SYK: variants seen among roughly 807,000 people sequenced by gnomAD.
The protein encoded by SYK is spleen associated tyrosine kinase.
A neutral mutation model predicts 77.8 loss-of-function variants in SYK; 16 were observed. The ratio of observed to expected loss-of-function variants is 0.21; its 90% CI spans 0.14 to 0.31. The LOEUF (loss-of-function observed/expected upper bound fraction) is 0.31, where lower values mean the gene tolerates loss of function less well. SYK is among the 10% of genes least tolerant of loss of function. The pLI, the probability that SYK is intolerant of heterozygous loss-of-function variation, is 1.00. For synonymous variants in SYK, 312 were observed against 308.7 expected, an observed-to-expected ratio of 1.01 and a Z score of -0.11; for missense variants, 529 against 814.4, an observed-to-expected ratio of 0.65 and a Z score of 4.26.
intron 1 of SYK, among the ~76,000 whole-genome samples, chr9:90,832,824 T>C (rs1283555604): frequency 6.6e-6 from 1 of 152,226 alleles, no homozygotes; most frequent in African/African-American, 2.4e-5. Flanking sequence ...TAATTACTTA[T>C]TATTGCTCAT....
intron 1 of SYK, among the ~76,000 whole-genome samples, chr9:90,819,778 A>G (rs892701129): frequency 6.6e-6 from 1 of 152,118 alleles, no homozygotes; most frequent in Admixed American, 6.5e-5. Flanking sequence ...AAAACCAATC[A>G]TGCCTTCCCA....
intron 11 of SYK, among the ~76,000 whole-genome samples, chr9:90,881,215 GTAAAC>G (rs1414797737): frequency 2.0e-5 from 3 of 151,812 alleles, no homozygotes; most frequent in Non-Finnish European, 4.4e-5. Flanking sequence ...CCATTAAAAA[GTAAAC>G]TAAACTAAAA....
chr9:90,891,643 G>C (rs1252169209), intron 13 of SYK, among the ~76,000 whole-genome samples: 1 of 152,134 alleles, frequency 6.6e-6, no homozygotes, highest in East Asian at 1.9e-4. Context: ...AGAGGACTCT[G>C]TTACCCTCAC....
chr9:90,896,610 C>T lies in SYK; in HGVS notation c.*1010C>T. On this transcript the variant is annotated 3_prime_UTR_variant, in exon 14 of 14. Coordinates refer to ENST00000375754, the MANE Select transcript of SYK (RefSeq NM_003177.7). ...TTCAGAACAAGCCAAAGACCCTGAGCCTCACCACAAACAGGCCTTTTGGAG... is the reference window on the plus strand; with the variant it reads ...TTCAGAACAAGCCAAAGACCCTGAGTCTCACCACAAACAGGCCTTTTGGAG... 1 of 232,914 alleles carries T rather than the reference C, an allele frequency of 4.3e-6. No individual in the cohort carries two copies. The highest frequency in any genetic ancestry group is 8.5e-6 in the Non-Finnish European group (1 of 117,856). The allele number at this position is 232,914 out of a possible 1,614,324, so 14.4% of individuals were successfully genotyped here.
chr9:90,890,343 T>C (rs537773598), intron 13 of SYK, among the ~76,000 whole-genome samples: 6 of 152,304 alleles, frequency 3.9e-5, no homozygotes, highest in African/African-American at 1.2e-4. Context: ...CAGTGGGCAG[T>C]TATTTCCAGA....
intron 7 of SYK, 31 bp downstream of exon 7, chr9:90,867,230 C>T: frequency 6.2e-7 from 1 of 1,612,424 alleles, no homozygotes; most frequent in Non-Finnish European, 8.5e-7. Flanking sequence ...TGCTGTCCAA[C>T]TAAGTGGTAG....
chr9:90,837,003 C>T (rs1191366739), intron 1 of SYK, among the ~76,000 whole-genome samples: 2 of 152,150 alleles, frequency 1.3e-5, no homozygotes, highest in African/African-American at 4.8e-5. Flanking sequence ...TCTTCTCTAG[C>T]TTACCTCACT....
chr9:90,805,121 C>G (rs1488317991), intron 1 of SYK, among the ~76,000 whole-genome samples: 8 of 152,122 alleles, frequency 5.3e-5, no homozygotes, highest in Admixed American at 5.2e-4. Flanking sequence ...AAATGGCTCC[C>G]TTGATTCTTT....
At chr9:90,879,973 T>G (rs1348443123) in intron 11 of SYK, among the ~76,000 whole-genome samples, 1 of 152,258 alleles carries the variant, frequency 6.6e-6, no homozygotes, top group Non-Finnish European at 1.5e-5. Flanking sequence ...ACCTAGGGTC[T>G]ATGTTAACCA....
At chr9:90,859,857 A>G (rs1176047231) in intron 3 of SYK, among the ~76,000 whole-genome samples, 1 of 152,252 alleles carries the variant, frequency 6.6e-6, no homozygotes, top group Non-Finnish European at 1.5e-5. Flanking sequence ...TGATGGCATC[A>G]TCTCTCAGGG....
chr9:90,802,505 T>A (rs1826769534), intron 1 of SYK, among the ~76,000 whole-genome samples: 6 of 152,202 alleles, frequency 3.9e-5, no homozygotes, highest in Admixed American at 3.9e-4. Flanking sequence ...ACTTAGCCAA[T>A]GAACTTGGAG....
intron 3 of SYK, among the ~76,000 whole-genome samples, chr9:90,854,368 G>A (rs548950713): frequency 6.6e-6 from 1 of 152,294 alleles, no homozygotes; most frequent in Non-Finnish European, 1.5e-5. Context: ...GAGTCAGAGA[G>A]GAAGCCCAGG....
chr9:90,828,238 C>CCCCT (rs1554706477), intron 1 of SYK, among the ~76,000 whole-genome samples: 1 of 91,204 alleles, frequency 1.1e-5, no homozygotes, highest in African/African-American at 3.8e-5. Context: ...CACCCCCGCC[C>CCCCT]CCCCCCCCGC....
chr9:90,866,669 T>C (rs1827508777), intron 6 of SYK, among the ~76,000 whole-genome samples: 1 of 152,222 alleles, frequency 6.6e-6, no homozygotes. Context: ...AACTTTTTAA[T>C]TGACTGGTAA....
intron 1 of SYK, among the ~76,000 whole-genome samples, chr9:90,841,391 TTG>T (rs1826319579): frequency 1.6e-5 from 1 of 64,472 alleles, no homozygotes; most frequent in African/African-American, 5.4e-5. Context: ...TGTGTGTAGT[TTG>T]TGTATGACGT....
rs145605312 is a variant in SYK, at chr9:90,835,646, A to G, written c.-41-8212A>G. Among the ~76,000 whole-genome samples the G allele has an allele frequency of 8.5e-5, 13 of 152,280 alleles. No individual in the cohort carries two copies. In the East Asian group the frequency reaches 2.5e-3, roughly 29 times the overall value. The stretch of plus-strand genomic sequence containing the variant: ...GAATCAGATAAGAAAGTGTTTTCCA[A>G]CAGAAGCATCGGCACACATTGGAGT... On this transcript the variant is annotated intron_variant, in intron 1 of 13. Transcript: ENST00000375754.
chr9:90,847,383 G>A (rs1200513323), intron 3 of SYK, among the ~76,000 whole-genome samples: 1 of 152,226 alleles, frequency 6.6e-6, no homozygotes, highest in Non-Finnish European at 1.5e-5. Flanking sequence ...CTCCTTAGTT[G>A]TCTTCTTCTC....
At chr9:90,850,112 G>A (rs962078379) in intron 3 of SYK, among the ~76,000 whole-genome samples, 2 of 152,254 alleles carry the variant, frequency 1.3e-5, no homozygotes, top group African/African-American at 4.8e-5. Flanking sequence ...TCAGTCTGCA[G>A]TAGGTGTGTT....
At chr9:90,841,484 G>A (rs1360183294) in intron 1 of SYK, among the ~76,000 whole-genome samples, 4 of 144,284 alleles carry the variant, frequency 2.8e-5, no homozygotes, top group African/African-American at 9.8e-5. Context: ...TGCGTTTAGT[G>A]CATGTGTGGT....
Sources: gnomAD v4.1 joint callset for allele counts (sites outside exome capture counted in the v4.1 genomes callset) on GRCh38, gnomAD v4.1.1 for gene constraint, MANE v1.5 for transcripts, NCBI Gene and HGNC (gene_info 2026-07-23, HGNC 2026-07-21) for gene names.